The following SNTG2 variants were observed in gnomAD, a reference collection of about 807,000 sequenced individuals.
SNTG2 encodes syntrophin gamma 2, also known as gamma-2-syntrophin.
SNTG2 carries 74 observed loss-of-function variants against 70.9 expected under a neutral mutation model. The observed-to-expected ratio is 1.04, with a 90% confidence interval of 0.86 to 1.27. The LOEUF is 1.27. Ranked by LOEUF, SNTG2 falls within the 50% of genes most tolerant of loss-of-function variation. The pLI, the probability that SNTG2 is intolerant of heterozygous loss-of-function variation, is 0.00. For missense variants in SNTG2, 717 were observed against 690.7 expected (o/e 1.04, Z -0.43); for synonymous variants, 278 against 273.8 (o/e 1.02, Z -0.15).
At chr2:1,162,779 C>T (rs527624930) in intron 6 of SNTG2, among the ~76,000 whole-genome samples, 31 of 152,104 alleles carry the variant, frequency 2.0e-4, no homozygotes, top group African/African-American at 4.8e-4. Context: ...GGATCTTGTG[C>T]GGGGGGAGGA....
At chr2:1,248,193 G>A (rs1037363263) in intron 12 of SNTG2, among the ~76,000 whole-genome samples, 2 of 152,156 alleles carry the variant, frequency 1.3e-5, no homozygotes, top group African/African-American at 4.8e-5. Context: ...GTAATACCCT[G>A]CCTGTCTTTT....
At chr2:1,029,932 C>T (rs974750769) in intron 1 of SNTG2, among the ~76,000 whole-genome samples, 2 of 152,184 alleles carry the variant, frequency 1.3e-5, no homozygotes, top group Non-Finnish European at 2.9e-5. Flanking sequence ...TCACATCTTA[C>T]GTTCCTGTAT....
intron 8 of SNTG2, among the ~76,000 whole-genome samples, chr2:1,187,043 A>G (rs767591893): frequency 9.8e-5 from 15 of 152,346 alleles, no homozygotes; most frequent in Non-Finnish European, 1.8e-4. Context: ...GACAGACCGA[A>G]GACGTCTAGC....
Position 1,304,509 on chromosome 2 carries a change from T to G in SNTG2, c.1285-3985T>G, listed in dbSNP as rs954560658. 4.6e-5 allele frequency among the ~76,000 whole-genome samples: 7 copies of G among 152,242 alleles called. No homozygotes were observed. In the South Asian group the frequency reaches 1.5e-3, roughly 32 times the overall value. On this transcript the variant is annotated intron_variant, in intron 14 of 16. Transcript: ENST00000308624. ...TGGGAGGCCAAGGCGGGTGGATCAC[T>G]GCGTTCAGAAGTTTGAGACCAGCCT...
At chr2:1,072,186 G>A (rs1464306736) in intron 1 of SNTG2, among the ~76,000 whole-genome samples, 14 of 152,152 alleles carry the variant, frequency 9.2e-5, no homozygotes, top group East Asian at 1.9e-4. Context: ...GGAAGAAGAC[G>A]CCATCCAGGA....
At chr2:1,230,113 AGAGC>A (rs1304897144) in intron 9 of SNTG2, among the ~76,000 whole-genome samples, 1 of 152,246 alleles carries the variant, frequency 6.6e-6, no homozygotes, top group Non-Finnish European at 1.5e-5. Flanking sequence ...GGAGGCGCCG[AGAGC>A]GAGCGAGGGC....
At chr2:1,170,099 G>T (rs561304137) in intron 7 of SNTG2, among the ~76,000 whole-genome samples, 1 of 151,994 alleles carries the variant, frequency 6.6e-6, no homozygotes, top group Non-Finnish European at 1.5e-5. Flanking sequence ...AGAGTATCAC[G>T]GCAGATCTGT....
chr2:1,158,452 C>G (rs534959244), intron 6 of SNTG2: 1 of 152,280 alleles, frequency 6.6e-6, no homozygotes, highest in South Asian at 2.1e-4. Flanking sequence ...GTGTGTTTAG[C>G]GTGGCATCAG....
At chr2:1,178,584 T>C (rs111258159) in intron 8 of SNTG2, among the ~76,000 whole-genome samples, 2,211 of 152,272 alleles carry the variant, frequency 0.015, 61 homozygotes, top group African/African-American at 0.049. Context: ...TCATTGGTTA[T>C]ATTTATGTGA....
intron 7 of SNTG2, among the ~76,000 whole-genome samples, chr2:1,166,533 G>A (rs114757645): frequency 0.034 from 5,192 of 152,238 alleles, 298 homozygotes; most frequent in African/African-American, 0.12. Flanking sequence ...CGAGTGGCCC[G>A]GCTGTAGCTC....
At chr2:1,177,939 T>C (rs1299389558) in intron 8 of SNTG2, among the ~76,000 whole-genome samples, 1 of 152,232 alleles carries the variant, frequency 6.6e-6, no homozygotes, top group Non-Finnish European at 1.5e-5. Context: ...TTAGCCAGAC[T>C]ACTGTATTGT....
intron 4 of SNTG2, among the ~76,000 whole-genome samples, chr2:1,119,729 C>T (rs1038523848): frequency 6.6e-6 from 1 of 151,760 alleles, no homozygotes. Flanking sequence ...AAAATTATCA[C>T]GTTACAAAGG....
intron 14 of SNTG2, among the ~76,000 whole-genome samples, chr2:1,287,227 C>T (rs1044770955): frequency 3.9e-5 from 6 of 152,168 alleles, no homozygotes; most frequent in Non-Finnish European, 8.8e-5. Context: ...GTTGGAAAGA[C>T]TTAAAAATTG....
At chr2:1,341,175 A>C (rs1027022471) in intron 16 of SNTG2, 27 of 152,204 alleles carry the variant, frequency 1.8e-4, no homozygotes, top group African/African-American at 6.3e-4. Flanking sequence ...AGATGACCGG[A>C]TTCACCTGTG....
At chr2:1,330,556 A>C (rs1659471566) in intron 16 of SNTG2, among the ~76,000 whole-genome samples, 1 of 152,098 alleles carries the variant, frequency 6.6e-6, no homozygotes, top group African/African-American at 2.4e-5. Flanking sequence ...TTAAAGGAAA[A>C]CTCTCAAAAA....
chr2:1,115,950 C>T (rs1666938515), intron 4 of SNTG2, among the ~76,000 whole-genome samples: 2 of 152,230 alleles, frequency 1.3e-5, no homozygotes, highest in South Asian at 4.1e-4. Flanking sequence ...CAGGGCCTGC[C>T]CTCCAGGACC....
At chr2:1,141,431 T>C (rs773307763) in intron 6 of SNTG2, among the ~76,000 whole-genome samples, 25 of 152,204 alleles carry the variant, frequency 1.6e-4, no homozygotes, top group Non-Finnish European at 3.2e-4. Flanking sequence ...GCCATTTTCA[T>C]AGCTGTTTAC....
chr2:1,130,567 T>C (rs1667955168), intron 4 of SNTG2, among the ~76,000 whole-genome samples: 1 of 152,200 alleles, frequency 6.6e-6, no homozygotes, highest in Non-Finnish European at 1.5e-5. Context: ...TCCATCTAGA[T>C]GGCTTGTCCA....
intron 12 of SNTG2, among the ~76,000 whole-genome samples, chr2:1,254,973 G>A (rs995066334): frequency 2.6e-5 from 4 of 152,110 alleles, no homozygotes; most frequent in Non-Finnish European, 4.4e-5. Context: ...AGAGAAAATC[G>A]GCTGATAAAG....
Sources: allele counts gnomAD v4.1 joint callset (sites outside exome capture counted in the v4.1 genomes callset), GRCh38; gene constraint gnomAD v4.1.1; transcripts MANE v1.5; gene names NCBI Gene and HGNC (gene_info 2026-07-23, HGNC 2026-07-21).